Variants in NOXA1 observed in about 807,000 individuals in gnomAD.
NOXA1 encodes NADPH oxidase activator 1, also known as NCF2-like protein.
In NOXA1, 56 loss-of-function variants were observed where a neutral mutation model predicts 64.8. The ratio of observed to expected loss-of-function variants is 0.86; its 90% confidence interval spans 0.70 to 1.08. The LOEUF is 1.08. NOXA1 is among the 50% of genes least tolerant of loss of function. The probability of loss-of-function intolerance (pLI) is 0.00; values close to 1 mark genes in which losing one functional copy is unlikely to be tolerated. For missense variants in NOXA1, 668 were observed against 658.5 expected (o/e 1.01, Z -0.16); for synonymous variants, 295 against 294.8 (o/e 1.00, Z -0.01).
intron 2 of NOXA1, among the ~76,000 whole-genome samples, chr9:137,426,890 G>A (rs1838866459): frequency 6.6e-6 from 1 of 152,216 alleles, no homozygotes; most frequent in Non-Finnish European, 1.5e-5. Flanking sequence ...TCCGCCTCCT[G>A]GGTTCAAGCG....
chr9:137,423,640 CG>C lies in NOXA1; in HGVS notation c.112del (p.Ala38ProfsTer28). 2 of 1,432,958 alleles carry C rather than the reference CG, an allele frequency of 1.4e-6. No homozygotes were observed. Among genetic ancestry groups the C allele is most frequent in the Non-Finnish European group, 1.8e-6 (2 of 1,090,642 alleles). 88.8% of individuals were successfully genotyped at this position (1,432,958 alleles called of 1,614,324 possible). A position where few individuals can be genotyped will look rare whatever the true frequency, so the allele number is the denominator to read the frequency against. On this transcript the variant is annotated frameshift_variant, in exon 1 of 14. Coordinates refer to ENST00000683555, the MANE Select transcript of NOXA1 (RefSeq NM_001256067.2). LOFTEE classifies it high-confidence loss of function. Reference sequence around the variant, plus strand: ...TCTTCTCGGGCGTCCCGGCGCCGCCCGCCAGGCTGTGCTTCAACGCGGGCTG... The same window carrying C: ...TCTTCTCGGGCGTCCCGGCGCCGCCCCCAGGCTGTGCTTCAACGCGGGCTG... ...HLFSGVPAPP[A>X]RLCFNAGCVH...
chr9:137,423,633 C>A lies in NOXA1; in HGVS notation c.104C>A (p.Ala35Glu). Residue 35 changes from alanine to glutamate, a missense_variant, in exon 1 of 14, where the codon GCG (alanine) becomes GAG (glutamate). By Grantham distance (107) the Ala-to-Glu change is moderately radical. Transcript: ENST00000683555. ...TTGCACCTCTTCTCGGGCGTCCCGG[C>A]GCCGCCCGCCAGGCTGTGCTTCAAC... ...RALHLFSGVP[A>E]PPARLCFNAG... is the part of the protein sequence containing the mutation. 7.0e-7 allele frequency: 1 copy of A among 1,438,044 alleles called. No homozygotes were observed. The highest frequency in any genetic ancestry group is 9.1e-7 in the Non-Finnish European group (1 of 1,093,890). The allele number at this position is 1,438,044 out of a possible 1,614,324, so 89.1% of individuals were successfully genotyped here.
At chr9:137,426,452 T>C (rs1025606306) in intron 2 of NOXA1, 122 bp downstream of exon 2, 11 of 859,898 alleles carry the variant, frequency 1.3e-5, no homozygotes, top group African/African-American at 3.3e-5. Context: ...CCCTCCTCCA[T>C]GGTTCCTGGC....
intron 8 of NOXA1, among the ~76,000 whole-genome samples, chr9:137,432,104 A>G (rs1336660154): frequency 6.6e-6 from 1 of 152,050 alleles, no homozygotes; most frequent in Non-Finnish European, 1.5e-5. Context: ...GGCAACTTCA[A>G]CCATCTGATA....
chr9:137,429,141 C>T (rs1391095408), intron 4 of NOXA1, 125 bp downstream of exon 4: 16 of 1,101,698 alleles, frequency 1.5e-5, no homozygotes, highest in East Asian at 9.0e-5. Flanking sequence ...GGGTGCCAGG[C>T]GGGGGCTTCC....
chr9:137,431,049 G>A lies in NOXA1; in HGVS notation c.673-26G>A, dbSNP rs1564239786. The stretch of plus-strand genomic sequence containing the variant: ...GGGCGGCCCCCGACCCTTAACCAGA[G>A]CGAGGTTGTTGCTTTGTGTCCACAG... On this transcript the variant is annotated intron_variant, in intron 6 of 13. Transcript: ENST00000683555. This position sits in a 1 kb window ranked among gnomAD's most constrained non-coding sequence, Gnocchi z 5.6. 2 of 1,613,240 alleles carry A rather than the reference G, an allele frequency of 1.2e-6. No homozygotes were observed. Among genetic ancestry groups the A allele is most frequent in the Non-Finnish European group, 1.7e-6 (2 of 1,179,990 alleles).
Position 137,423,642 on chromosome 9 carries a change from C to G in NOXA1, c.113C>G (p.Ala38Gly). Residue 38 changes from alanine to glycine, a missense_variant, in exon 1 of 14, where the codon GCC becomes GGC. By Grantham distance (60) the Ala-to-Gly change is moderately conservative. Transcript: ENST00000683555. ...TTCTCGGGCGTCCCGGCGCCGCCCG[C>G]CAGGCTGTGCTTCAACGCGGGCTGC... ...HLFSGVPAPP[A>G]RLCFNAGCVH... The G allele has an allele frequency of 7.0e-7, 1 of 1,430,252 alleles. No individual in the cohort carries two copies. Among genetic ancestry groups the G allele is most frequent in the Non-Finnish European group, 9.2e-7 (1 of 1,089,136 alleles). The allele number at this position is 1,430,252 out of a possible 1,614,324, so 88.6% of individuals were successfully genotyped here.
chr9:137,429,018 T>C lies in NOXA1; in HGVS notation c.504+2T>C, dbSNP rs1239278028. 6.4e-7 allele frequency: 1 copy of C among 1,552,932 alleles called. No individual in the cohort carries two copies. The highest frequency in any genetic ancestry group is 1.9e-5 in the Admixed American group (1 of 51,992). The stretch of plus-strand genomic sequence containing the variant: ...GACTCAGCCCTGGACCAAGTGCAGG[T>C]GAGGAGTGCCAGCCCGGTCATGGTT... On this transcript the variant is annotated splice_donor_variant, in intron 4 of 13. Transcript: ENST00000683555. LOFTEE classifies it high-confidence loss of function.
chr9:137,430,723 C>A (rs897674377), intron 5 of NOXA1, 61 bp from the exon 6 acceptor site: 2 of 1,452,642 alleles, frequency 1.4e-6, no homozygotes, highest in African/African-American at 1.4e-5. Context: ...GGGCGGGCTG[C>A]AGGGAGCAGA....
At chr9:137,432,375 C>G (rs556047073) in intron 8 of NOXA1, among the ~76,000 whole-genome samples, 1 of 151,800 alleles carries the variant, frequency 6.6e-6, no homozygotes, top group Admixed American at 6.6e-5. Flanking sequence ...ATCAGGAGAT[C>G]GAGACCATCC....
chr9:137,431,262 C>G lies in NOXA1; in HGVS notation c.725C>G (p.Ala242Gly), dbSNP rs971117485. ...ARSLIMDSPR[A>G]GTHQGPLDAE... ...TCCCTAATCATGGACTCCCCAAGAG[C>G]TGGCACCCACCAGGGCCCCCTCGAT... The change falls in exon 8 of 14, where the codon GCT (alanine) becomes GGT (glycine). Residue 242 changes from alanine (A) to glycine (G), a missense_variant. Ala to Gly is a moderately conservative substitution (Grantham distance 60). Transcript: ENST00000683555. The surrounding 1 kb of genome is among the most constrained non-coding windows in gnomAD (Gnocchi z 5.6). 4.3e-6 allele frequency: 7 copies of G among 1,612,872 alleles called. No individual in the cohort carries two copies. Among genetic ancestry groups the G allele is most frequent in the Non-Finnish European group, 5.9e-6 (7 of 1,179,926 alleles).
In NOXA1 at chr9:137,428,142, G is replaced by A; in HGVS notation, c.369+1G>A. 1.9e-6 allele frequency: 3 copies of A among 1,559,664 alleles called. No individual in the cohort carries two copies. Among genetic ancestry groups the A allele is most frequent in the South Asian group, 1.2e-5 (1 of 84,976 alleles). Reference sequence around the variant, plus strand: ...GCGGTTCAAGCTGCAAGCCTGGGAGGTGAGGCCGGGCAGGGCTCACTGTGC... The same window carrying A: ...GCGGTTCAAGCTGCAAGCCTGGGAGATGAGGCCGGGCAGGGCTCACTGTGC... On this transcript the variant is annotated splice_donor_variant, in intron 3 of 13. Coordinates refer to ENST00000683555, the MANE Select transcript of NOXA1 (RefSeq NM_001256067.2). LOFTEE classifies it high-confidence loss of function.
intron 9 of NOXA1, 65 bp from the exon 10 acceptor site, chr9:137,433,140 C>A: frequency 6.2e-7 from 1 of 1,608,014 alleles, no homozygotes. Flanking sequence ...TGGGTGCCGG[C>A]TGCCCTCCAC....
intron 12 of NOXA1, 22 bp from the exon 13 acceptor site, chr9:137,433,943 G>A (rs1180845567): frequency 6.5e-7 from 1 of 1,535,316 alleles, no homozygotes; most frequent in Admixed American, 2.0e-5. Context: ...GGCCCGACCT[G>A]CAGCCCACTC....
Position 137,431,091 on chromosome 9 carries a change from ATGAT to A in NOXA1, c.690_693del (p.His230GlnfsTer5). 1 of 1,613,202 alleles carries A rather than the reference ATGAT, an allele frequency of 6.2e-7. No homozygotes were observed. Among genetic ancestry groups the A allele is most frequent in the African/African-American group, 1.3e-5 (1 of 75,026 alleles). ...TGTCCACAGGGACCAGGAGCGAACC[ATGAT>A]GCCAGGTAGGAGGGGCTGACTGGGC... On this transcript the variant is annotated frameshift_variant, in exon 7 of 14. Coordinates refer to ENST00000683555, the MANE Select transcript of NOXA1 (RefSeq NM_001256067.2). LOFTEE classifies it high-confidence loss of function. This position sits in a 1 kb window ranked among gnomAD's most constrained non-coding sequence, Gnocchi z 5.6.
chr9:137,429,297 C>T lies in NOXA1; in HGVS notation c.526C>T (p.Arg176Trp), dbSNP rs201388549. 983 of 1,570,202 alleles carry T rather than the reference C, an allele frequency of 6.3e-4. 6 individuals carry two copies. In the East Asian group the frequency reaches 0.016, roughly 25 times the overall value. ...QVQRRGSLPP[R>W]QVPRGEVFRP... ...CCAGAGACGGGGCTCACTGCCGCCACGGCAGGTCCCCAGGGGCGAGGTCTT... is the reference window on the plus strand; with the variant it reads ...CCAGAGACGGGGCTCACTGCCGCCATGGCAGGTCCCCAGGGGCGAGGTCTT... Residue 176 changes from arginine to tryptophan, a missense_variant, in exon 5 of 14, where the codon CGG (arginine) becomes TGG (tryptophan). Physicochemically the swap from Arg to Trp is moderately radical, Grantham distance 101. Coordinates refer to ENST00000683555, the MANE Select transcript of NOXA1 (RefSeq NM_001256067.2).
At position 137,431,344 on chromosome 9, in the gene NOXA1, G is replaced by T. The variant is rs1166466226; in HGVS notation, c.804+3G>T. On this transcript the variant is annotated splice_donor_region_variant and intron_variant, in intron 8 of 13. Transcript: ENST00000683555. This position sits in a 1 kb window ranked among gnomAD's most constrained non-coding sequence, Gnocchi z 5.6. The stretch of plus-strand genomic sequence containing the variant: ...CGTCGACTGCCTACCAGGAGCAGGT[G>T]CGTGGGCCTGGGCCTCTTCCCCTGC... The T allele has an allele frequency of 6.2e-7, 1 of 1,605,294 alleles. No individual in the cohort carries two copies. Among genetic ancestry groups the T allele is most frequent in the Admixed American group, 1.7e-5 (1 of 60,008 alleles).
chr9:137,426,182 C>A, intron 1 of NOXA1, 66 bp from the exon 2 acceptor site: 1 of 1,400,870 alleles, frequency 7.1e-7, no homozygotes, highest in Non-Finnish European at 1.0e-6. Flanking sequence ...ACCCATCACG[C>A]TGTATCTGTG....
At chr9:137,432,818 CT>C (rs1274428085) in intron 8 of NOXA1, among the ~76,000 whole-genome samples, 5 of 152,226 alleles carry the variant, frequency 3.3e-5, no homozygotes, top group African/African-American at 1.2e-4. Flanking sequence ...GCGCTCCCTC[CT>C]GGTGACAGGC....
Sources: gnomAD v4.1 joint callset for allele counts (sites outside exome capture counted in the v4.1 genomes callset) on GRCh38, gnomAD v4.1.1 for gene constraint, Gnocchi (gnomAD v3.1) non-coding constraint, MANE v1.5 for transcripts, NCBI Gene and HGNC (gene_info 2026-07-23, HGNC 2026-07-21) for gene names.